SV2C: variants seen among roughly 807,000 people sequenced by gnomAD.
SV2C encodes the protein solute carrier family 22 member B3.
SV2C carries 49 observed loss-of-function variants against 79.7 expected under a neutral mutation model. The ratio of observed to expected loss-of-function variants is 0.61; its 90% confidence interval spans 0.49 to 0.78. SV2C has a LOEUF of 0.78. SV2C is among the 30% of genes least tolerant of loss of function. The pLI is 0.00. For synonymous variants in SV2C, 334 were observed against 333.2 expected (o/e 1.00, Z -0.03); for missense variants, 833 against 912.9 (o/e 0.91, Z 1.13).
the SV2C span, among the ~76,000 whole-genome samples, chr5:75,927,585 T>C: frequency 3.3e-5 from 5 of 152,144 alleles, no homozygotes; most frequent in Non-Finnish European, 5.9e-5. Flanking sequence ...TACAACATAG[T>C]ACATAGGTTT....
chr5:75,944,462 T>C, the SV2C span, among the ~76,000 whole-genome samples: 25 of 152,164 alleles, frequency 1.6e-4, no homozygotes, highest in Admixed American at 1.6e-3. Flanking sequence ...AGATGGAGTA[T>C]ACAGACTACA....
At chr5:75,933,575 G>C in the SV2C span, among the ~76,000 whole-genome samples, 26 of 152,200 alleles carry the variant, frequency 1.7e-4, no homozygotes, top group Non-Finnish European at 3.8e-4. Context: ...AGACTGGGAA[G>C]AACTACCCTA....
intron 2 of SV2C, among the ~76,000 whole-genome samples, chr5:76,154,123 T>C (rs1485433705): frequency 6.6e-6 from 1 of 152,146 alleles, no homozygotes; most frequent in Admixed American, 6.5e-5. Flanking sequence ...CATCTAGTAC[T>C]AGAACAGTAC....
intron 4 of SV2C, among the ~76,000 whole-genome samples, chr5:76,259,864 G>T (rs1040016343): frequency 1.9e-4 from 29 of 152,172 alleles, no homozygotes; most frequent in African/African-American, 6.3e-4. Flanking sequence ...GCATTGGGTT[G>T]GTTCCAAGTC....
the SV2C span, among the ~76,000 whole-genome samples, chr5:76,012,435 C>T: frequency 1.6e-4 from 24 of 152,206 alleles, no homozygotes; most frequent in African/African-American, 4.3e-4. Context: ...TCATATCCTT[C>T]GCCCACTTTT....
chr5:76,164,259 C>A (rs1742978140), intron 2 of SV2C, among the ~76,000 whole-genome samples: 2 of 151,772 alleles, frequency 1.3e-5, no homozygotes, highest in Admixed American at 1.3e-4. Context: ...ATTTTGATAC[C>A]CCTGGCTCCT....
chr5:76,138,424 T>G (rs1749138290), intron 2 of SV2C, among the ~76,000 whole-genome samples: 1 of 152,230 alleles, frequency 6.6e-6, no homozygotes, highest in Non-Finnish European at 1.5e-5. Flanking sequence ...GAAATTCACT[T>G]TTTGCTTGTG....
the SV2C span, among the ~76,000 whole-genome samples, chr5:75,906,873 C>T: frequency 6.6e-6 from 1 of 152,170 alleles, no homozygotes; most frequent in East Asian, 1.9e-4. Flanking sequence ...TTGGTTGTCA[C>T]AACTGGGGCT....
intron 1 of SV2C, among the ~76,000 whole-genome samples, chr5:76,088,375 C>T: frequency 6.6e-6 from 1 of 152,154 alleles, no homozygotes; most frequent in Non-Finnish European, 1.5e-5. Flanking sequence ...ATATTTTAGA[C>T]TGGGTAATTT....
the SV2C span, among the ~76,000 whole-genome samples, chr5:76,010,200 C>T: frequency 7.9e-5 from 12 of 152,142 alleles, no homozygotes; most frequent in South Asian, 2.5e-3. Flanking sequence ...GTAGAGTGAA[C>T]AGGCATCAGG....
At chr5:75,999,375 A>AAGAGAGAGAGAG in the SV2C span, among the ~76,000 whole-genome samples, 35 of 134,808 alleles carry the variant, frequency 2.6e-4, no homozygotes, top group South Asian at 1.1e-3. Flanking sequence ...GGGAGGGAGA[A>AAGAGAGAGAGAG]AGAGAGAGAG....
chr5:76,030,266 G>GGTTTTTTTTTTTTTTTTTTTTTTT, the SV2C span, among the ~76,000 whole-genome samples: 5 of 31,980 alleles, frequency 1.6e-4, 1 homozygote, highest in African/African-American at 5.8e-4. Flanking sequence ...TCAGAGGCTT[G>GGTTTTTTTTTTTTTTTTTTTTTTT]TTTTTTTTTT....
intron 1 of SV2C, among the ~76,000 whole-genome samples, chr5:76,117,045 A>G (rs1276360660): frequency 6.6e-6 from 1 of 152,184 alleles, no homozygotes; most frequent in Non-Finnish European, 1.5e-5. Context: ...GTCTTTCTGA[A>G]TTATCCTTAA....
the SV2C span, among the ~76,000 whole-genome samples, chr5:75,873,214 G>A: frequency 6.6e-6 from 1 of 152,022 alleles, no homozygotes; most frequent in South Asian, 2.1e-4. Flanking sequence ...TGAATCAATT[G>A]GTGAAATTAA....
chr5:75,859,155 C>T, the SV2C span, among the ~76,000 whole-genome samples: 1 of 151,014 alleles, frequency 6.6e-6, no homozygotes, highest in East Asian at 1.9e-4. Context: ...CTGATTTTTT[C>T]CTATGTTCAC....
the SV2C span, among the ~76,000 whole-genome samples, chr5:76,056,216 T>C: frequency 6.6e-6 from 1 of 152,212 alleles, no homozygotes; most frequent in Admixed American, 6.5e-5. Context: ...TGTTGAATTT[T>C]ATCAAAGGCC....
chr5:75,970,060 C>A, the SV2C span, among the ~76,000 whole-genome samples: 1 of 152,044 alleles, frequency 6.6e-6, no homozygotes, highest in African/African-American at 2.4e-5. Context: ...GAACAATCTG[C>A]TCCTGAATGA....
intron 4 of SV2C, among the ~76,000 whole-genome samples, chr5:76,268,401 C>T (rs958560544): frequency 3.3e-5 from 5 of 152,144 alleles, no homozygotes; most frequent in African/African-American, 1.2e-4. Context: ...TTCGAGAGAC[C>T]TGAAGAGAAC....
intron 2 of SV2C, among the ~76,000 whole-genome samples, chr5:76,188,941 G>A (rs1023864001): frequency 6.6e-6 from 1 of 151,782 alleles, no homozygotes; most frequent in Non-Finnish European, 1.5e-5. Flanking sequence ...AGCTGTGAAA[G>A]CTTACACCTC....
Sources: gnomAD v4.1 joint callset for allele counts (sites outside exome capture counted in the v4.1 genomes callset) on GRCh38, gnomAD v4.1.1 for gene constraint, MANE v1.5 for transcripts, NCBI Gene and HGNC (gene_info 2026-07-23, HGNC 2026-07-21) for gene names.